Variants in B4GALNT3 observed in about 807,000 individuals in gnomAD.
B4GALNT3 encodes the protein beta-1,4-N-acetylgalactosaminyltransferase 3.
A neutral mutation model predicts 120.2 loss-of-function variants in B4GALNT3; 86 were observed. The ratio of observed to expected loss-of-function variants is 0.72; its 90% CI spans 0.60 to 0.86. The LOEUF is 0.86. Ranked by LOEUF, B4GALNT3 falls within the 40% of genes least tolerant of loss-of-function variation. The pLI is 0.00. For synonymous variants in B4GALNT3, 518 were observed against 510.4 expected, an observed-to-expected ratio of 1.01 and a Z score of -0.20; for missense variants, 1,167 against 1,298.9, an observed-to-expected ratio of 0.90 and a Z score of 1.56.
rs779633972 is a variant in B4GALNT3, at chr12:553,786, G to A, written c.1863G>A (p.Val621=). 3.1e-6 allele frequency: 5 copies of A among 1,614,230 alleles called. No homozygotes were observed. Among genetic ancestry groups the A allele is most frequent in the Non-Finnish European group, 4.2e-6 (5 of 1,180,030 alleles). ...AGGAGGAAGAGGATATGAGTGAGGT[G>A]TTCGAGTACGTACCTGTGTTTGACC... ...EEEEEEDMSE[V]FEYVPVFDPV... Residue 621 remains valine (V), a synonymous_variant, in exon 14 of 20, where the codon GTG becomes GTA. Coordinates refer to ENST00000266383, the MANE Select transcript of B4GALNT3 (RefSeq NM_173593.4).
rs1947060707 is a variant in B4GALNT3, at chr12:550,037, C to T, written c.997+125C>T. ...CAATCACCGTAGAACTTTTTATCGT[C>T]CTTGTAACATAGAACATGCATACAG... On this transcript the variant is annotated intron_variant, in intron 10 of 19. Coordinates refer to ENST00000266383, the MANE Select transcript of B4GALNT3 (RefSeq NM_173593.4). The surrounding 1 kb of genome is among the most constrained non-coding windows in gnomAD (Gnocchi z 4.1). 9.2e-7 allele frequency: 1 copy of T among 1,085,750 alleles called. No homozygotes were observed. The highest frequency in any genetic ancestry group is 1.3e-6 in the Non-Finnish European group (1 of 764,352). 67.3% of individuals were successfully genotyped at this position (1,085,750 alleles called of 1,614,324 possible).
chr12:470,259 A>C (rs1421024853), intron 1 of B4GALNT3, among the ~76,000 whole-genome samples: 1 of 152,212 alleles, frequency 6.6e-6, no homozygotes, highest in Non-Finnish European at 1.5e-5. Flanking sequence ...TTCGCCTCCA[A>C]GGTCATCTCT....
rs1006902753 is a variant in B4GALNT3 at position 557,096 on chromosome 12, C to T, written c.2380+230C>T. 3.9e-5 allele frequency among the ~76,000 whole-genome samples: 6 copies of T among 152,244 alleles called. No homozygotes were observed. The South Asian group carries it at 6.2e-4, about 16-fold the overall frequency. On this transcript the variant is annotated intron_variant, in intron 15 of 19. Coordinates refer to ENST00000266383, the MANE Select transcript of B4GALNT3 (RefSeq NM_173593.4). ...CCTCATAGGCCAGTGCTCTTTCTTT[C>T]GTACTAGGTTTCAGGATTGGGTGTG...
chr12:543,826 A>G (rs1242614390), intron 3 of B4GALNT3, among the ~76,000 whole-genome samples: 63 of 80,482 alleles, frequency 7.8e-4, no homozygotes, highest in South Asian at 1.5e-3. Flanking sequence ...AGGAGCTGGG[A>G]TGGGCATGGG....
At chr12:531,079 T>G (rs181904272) in intron 1 of B4GALNT3, among the ~76,000 whole-genome samples, 1 of 152,220 alleles carries the variant, frequency 6.6e-6, no homozygotes, top group East Asian at 1.9e-4. Flanking sequence ...AGTAGTTAAA[T>G]CAGCACATTT....
chr12:505,164 G>C lies in B4GALNT3; in HGVS notation c.170-30002G>C, dbSNP rs11063317. Among the ~76,000 whole-genome samples the C allele has an allele frequency of 2.0e-5, 3 of 151,950 alleles. No individual in the cohort carries two copies. In the East Asian group the frequency reaches 5.8e-4, roughly 29 times the overall value. On this transcript the variant is annotated intron_variant, in intron 1 of 19. Transcript: ENST00000266383. Reference sequence around the variant, plus strand: ...GCCTTGGCCTCCCAACGTGCTGGGAGTACAGGCGTGAACCACCACGCCTGG... The same window carrying C: ...GCCTTGGCCTCCCAACGTGCTGGGACTACAGGCGTGAACCACCACGCCTGG...
chr12:478,427 CCTGT>C (rs1487466234), intron 1 of B4GALNT3, among the ~76,000 whole-genome samples: 5 of 152,042 alleles, frequency 3.3e-5, no homozygotes, highest in African/African-American at 4.8e-5. Flanking sequence ...GGAAATACCA[CCTGT>C]CTGTTTTAGG....
chr12:512,460 TCCACCTTCCGC>T (rs1946594605), intron 1 of B4GALNT3, among the ~76,000 whole-genome samples: 1 of 133,494 alleles, frequency 7.5e-6, no homozygotes, highest in Admixed American at 7.7e-5. Flanking sequence ...CCTTCCACCT[TCCACCTTCCGC>T]CCACCTTCCA....
intron 1 of B4GALNT3, among the ~76,000 whole-genome samples, chr12:510,253 CG>C (rs1470155070): frequency 2.6e-5 from 4 of 152,134 alleles, no homozygotes; most frequent in Non-Finnish European, 5.9e-5. Context: ...CAGCAAGGGG[CG>C]GGCAAGAGGG....
At chr12:546,924 T>A (rs927707717) in intron 7 of B4GALNT3, 1 of 588,550 alleles carries the variant, frequency 1.7e-6, no homozygotes, top group Non-Finnish European at 3.0e-6. Flanking sequence ...AGGCCGTGAC[T>A]TATTGCAGGT....
intron 3 of B4GALNT3, among the ~76,000 whole-genome samples, chr12:541,012 G>A (rs961355448): frequency 6.6e-6 from 1 of 152,202 alleles, no homozygotes; most frequent in African/African-American, 2.4e-5. Context: ...CAAAGTGCTG[G>A]GATTACAGGC....
chr12:527,112 G>T (rs559387759), intron 1 of B4GALNT3, among the ~76,000 whole-genome samples: 2 of 152,172 alleles, frequency 1.3e-5, no homozygotes, highest in East Asian at 3.9e-4. Context: ...TTTTTTTAAA[G>T]AAACGAGGTT....
chr12:460,371 A>C lies in B4GALNT3; in HGVS notation c.-6A>C. ...GCGCTGGCGGCGGCCGCCTCGGCGC[A>C]GCGCCATGGGGAGCCCCCGGGCCGC... On this transcript the variant is annotated 5_prime_UTR_variant, in exon 1 of 20. Coordinates refer to ENST00000266383, the MANE Select transcript of B4GALNT3 (RefSeq NM_173593.4). This position sits in a 1 kb window ranked among gnomAD's most constrained non-coding sequence, Gnocchi z 8.0. 2 of 1,318,866 alleles carry C rather than the reference A, an allele frequency of 1.5e-6. No individual in the cohort carries two copies. The highest frequency in any genetic ancestry group is 3.4e-5 in the East Asian group (1 of 29,476). 81.7% of individuals were successfully genotyped at this position (1,318,866 alleles called of 1,614,324 possible).
At chr12:545,828 T>G (rs1201892567) in intron 6 of B4GALNT3, among the ~76,000 whole-genome samples, 2 of 18,218 alleles carry the variant, frequency 1.1e-4, no homozygotes, top group Non-Finnish European at 1.9e-4. Flanking sequence ...GAGCGAGGAG[T>G]GGGGAGGTGA....
chr12:536,478 T>TA (rs1049342005), intron 3 of B4GALNT3, among the ~76,000 whole-genome samples, 183 bp downstream of exon 3: 2 of 152,210 alleles, frequency 1.3e-5, no homozygotes, highest in Non-Finnish European at 2.9e-5. Context: ...ACTAGTGAAT[T>TA]AAAAAAATTT....
In B4GALNT3 at chr12:553,988, G is replaced by T. The variant is rs2120729311; in HGVS notation, c.2060+5G>T. 6.2e-7 allele frequency: 1 copy of T among 1,601,258 alleles called. No homozygotes were observed. Among genetic ancestry groups the T allele is most frequent in the Admixed American group, 1.7e-5 (1 of 59,930 alleles). On this transcript the variant is annotated splice_donor_5th_base_variant and intron_variant, in intron 14 of 19. Transcript: ENST00000266383. The stretch of plus-strand genomic sequence containing the variant: ...GCTCAACCAGAGGAGCCGGGGGTAA[G>T]GTAAAGGGCTCTCCTGGGGCCAGGG...
intron 1 of B4GALNT3, among the ~76,000 whole-genome samples, chr12:473,519 G>T (rs1213348958): frequency 1.3e-5 from 2 of 152,146 alleles, no homozygotes; most frequent in Non-Finnish European, 2.9e-5. Flanking sequence ...TTCATACGTG[G>T]GTCTCTGGCT....
At chr12:546,537 T>TC (rs1192725878) in intron 6 of B4GALNT3, 109 bp from the exon 7 acceptor site, 4 of 974,552 alleles carry the variant, frequency 4.1e-6, no homozygotes, top group Non-Finnish European at 6.4e-6. Context: ...CCCGTCTTCC[T>TC]CCCTTTTTCT....
At chr12:478,250 T>TA (rs34616848) in intron 1 of B4GALNT3, among the ~76,000 whole-genome samples, 4,250 of 86,804 alleles carry the variant, frequency 0.049, 126 homozygotes, top group African/African-American at 0.084. Flanking sequence ...ACTCTGTCTT[T>TA]AAAAAAAAAA....
Sources: gnomAD v4.1 joint callset for allele counts (sites outside exome capture counted in the v4.1 genomes callset) on GRCh38, gnomAD v4.1.1 for gene constraint, Gnocchi (gnomAD v3.1) non-coding constraint, MANE v1.5 for transcripts, NCBI Gene and HGNC (gene_info 2026-07-23, HGNC 2026-07-21) for gene names.